The following SGIP1 variants were observed in gnomAD, a reference collection of about 807,000 sequenced individuals.
SGIP1 encodes SH3GL interacting endocytic adaptor 1, also known as SH3-containing GRB2-like protein 3-interacting protein 1.
Under a neutral mutation model 107.5 loss-of-function variants are expected in SGIP1, and 38 were observed. That is an observed-to-expected ratio of 0.35 (90% CI 0.27 to 0.46). The LOEUF (loss-of-function observed/expected upper bound fraction) is 0.46, where lower values mean the gene tolerates loss of function less well. Among genes scored for constraint, SGIP1 ranks in the 20% least tolerant of loss-of-function variants. SGIP1 has a pLI of 1.00. For synonymous variants in SGIP1, 365 were observed against 366.1 expected (o/e 1.00, Z 0.03); for missense variants, 929 against 1,019.5 (o/e 0.91, Z 1.21).
intron 3 of SGIP1, chr1:66,634,096 C>A: frequency 6.2e-7 from 1 of 1,607,584 alleles, no homozygotes; most frequent in Non-Finnish European, 8.5e-7. Context: ...AAAAAAAAGA[C>A]CCAGAAGACT....
intron 1 of SGIP1, among the ~76,000 whole-genome samples, chr1:66,556,032 A>G (rs537438355): frequency 6.6e-6 from 1 of 152,280 alleles, no homozygotes; most frequent in Admixed American, 6.5e-5. Flanking sequence ...ACATCACTGC[A>G]AAACACAGGA....
rs184439799 is a variant in SGIP1, at chr1:66,632,421, G to A, written c.75-649G>A. 5.9e-5 allele frequency among the ~76,000 whole-genome samples: 9 copies of A among 152,242 alleles called. No individual in the cohort carries two copies. The East Asian group carries it at 1.5e-3, about 26-fold the overall frequency. On this transcript the variant is annotated intron_variant, in intron 2 of 24. Coordinates refer to ENST00000371037, the MANE Select transcript of SGIP1 (RefSeq NM_032291.4). ...GGAAAGTACCAATTCTCAAAATAAA[G>A]TTGAAAAATACCACAGAAGCTTTTT...
At chr1:66,546,113 TTGGTCCATAGTAGAAGCTTA>T (rs1414989833) in intron 1 of SGIP1, among the ~76,000 whole-genome samples, 1 of 152,136 alleles carries the variant, frequency 6.6e-6, no homozygotes, top group African/African-American at 2.4e-5. Flanking sequence ...AGAAGAGTAT[TTGGTCCATAGTAGAAGCTTA>T]TTAAATGTCA....
chr1:66,698,169 C>G (rs1024972599), intron 18 of SGIP1, among the ~76,000 whole-genome samples: 8 of 152,250 alleles, frequency 5.3e-5, no homozygotes, highest in Non-Finnish European at 1.2e-4. Context: ...TGGCGTATGA[C>G]TTTATTTGAG....
intron 2 of SGIP1, chr1:66,628,576 T>G (rs1369456981): frequency 1.9e-5 from 3 of 154,796 alleles, no homozygotes; most frequent in African/African-American, 7.2e-5. Context: ...CATTTCTGAA[T>G]GAAGACAATG....
Position 66,745,194 on chromosome 1 carries a change from T to C in SGIP1, c.*2099T>C, listed in dbSNP as rs2094536355. 1 of 152,040 alleles carries C rather than the reference T, an allele frequency of 6.6e-6. No individual in the cohort carries two copies. Among genetic ancestry groups the C allele is most frequent in the Admixed American group, 6.6e-5 (1 of 15,266 alleles). 9.4% of individuals were successfully genotyped at this position (152,040 alleles called of 1,614,324 possible). On this transcript the variant is annotated 3_prime_UTR_variant, in exon 25 of 25. Transcript: ENST00000371037. The stretch of plus-strand genomic sequence containing the variant: ...TTTTTTTCCCAAAAAATAATTTTAC[T>C]GATTTTTAAAAATTTAATTAAAAAC...
At chr1:66,684,065 C>T (rs1486543043) in intron 15 of SGIP1, 1 of 1,549,048 alleles carries the variant, frequency 6.5e-7, no homozygotes, top group South Asian at 1.2e-5. Flanking sequence ...TTTCATACAA[C>T]ACCACCCTGT....
Position 66,682,362 on chromosome 1 carries a change from C to A in SGIP1, c.1308C>A (p.Thr436=). 1 of 1,609,910 alleles carries A rather than the reference C, an allele frequency of 6.2e-7. No homozygotes were observed. The highest frequency in any genetic ancestry group is 8.5e-7 in the Non-Finnish European group (1 of 1,178,818). Residue 436 remains threonine, a synonymous_variant, in exon 15 of 25, where the codon ACC becomes ACA. Coordinates refer to ENST00000371037, the MANE Select transcript of SGIP1 (RefSeq NM_032291.4). The part of the protein sequence containing the change: ...PGPGSGPGPG[T]TSGASSPARP... ...CTGGCTCGGGCCCTGGTCCGGGGAC[C>A]ACCAGTGGTATGTCTTATGCTTGAG...
chr1:66,750,184 C>T lies in SGIP1; in HGVS notation c.*7089C>T, dbSNP rs1343874255. ...CTTATCTATGAACAGAGCTTCACCA[C>T]AGGCCAAGCAGTAATGTATACAGCT... On this transcript the variant is annotated 3_prime_UTR_variant, in exon 25 of 25. Transcript: ENST00000371037. Among the ~76,000 whole-genome samples the T allele has an allele frequency of 6.6e-6, 1 of 152,120 alleles. No individual in the cohort carries two copies. The highest frequency in any genetic ancestry group is 1.5e-5 in the Non-Finnish European group (1 of 68,008).
chr1:66,730,176 T>C (rs1171495574), intron 20 of SGIP1, among the ~76,000 whole-genome samples: 2 of 152,096 alleles, frequency 1.3e-5, no homozygotes, highest in Admixed American at 1.3e-4. Context: ...CAAATTCAGG[T>C]TTAATAGTTA....
rs751788661 is a variant in SGIP1, at chr1:66,635,928, A to G, written c.100-16A>G. The G allele has an allele frequency of 5.0e-6, 8 of 1,613,340 alleles. No individual in the cohort carries two copies. Among genetic ancestry groups the G allele is most frequent in the Admixed American group, 3.3e-5 (2 of 59,874 alleles). ...CTTTTAACCACTTTTTTCTACATGA[A>G]AACAATCAATTCCAGCAGCCCAGCC... On this transcript the variant is annotated splice_polypyrimidine_tract_variant and intron_variant, in intron 3 of 24. Coordinates refer to ENST00000371037, the MANE Select transcript of SGIP1 (RefSeq NM_032291.4).
At chr1:66,559,942 T>A (rs61798703) in intron 1 of SGIP1, among the ~76,000 whole-genome samples, 1,563 of 152,026 alleles carry the variant, frequency 0.01, 16 homozygotes, top group Non-Finnish European at 0.015. Context: ...CTGAAATAAG[T>A]CTAAATTAGG....
intron 3 of SGIP1, chr1:66,634,149 T>A (rs1287886517): frequency 6.2e-7 from 1 of 1,610,032 alleles, no homozygotes; most frequent in Non-Finnish European, 8.5e-7. Flanking sequence ...AGCCCTCTCG[T>A]TAACTCTGTC....
At chr1:66,610,684 GA>G (rs2067799065) in intron 1 of SGIP1, among the ~76,000 whole-genome samples, 1 of 149,144 alleles carries the variant, frequency 6.7e-6, no homozygotes, top group Admixed American at 6.7e-5. Context: ...AGCTTTAGGG[GA>G]AAAAAGGAAT....
intron 1 of SGIP1, among the ~76,000 whole-genome samples, chr1:66,552,575 G>T (rs1209431843): frequency 6.6e-6 from 1 of 152,116 alleles, no homozygotes; most frequent in African/African-American, 2.4e-5. Flanking sequence ...GAGCTAGGCT[G>T]CTTGACTTTA....
At chr1:66,702,399 T>A (rs1176504851) in intron 18 of SGIP1, among the ~76,000 whole-genome samples, 2 of 152,230 alleles carry the variant, frequency 1.3e-5, no homozygotes, top group Non-Finnish European at 2.9e-5. Context: ...GAGCATTTAA[T>A]GTCTCTGGGT....
chr1:66,749,718 C>A lies in SGIP1; in HGVS notation c.*6623C>A, dbSNP rs1334958367. 6.6e-6 allele frequency among the ~76,000 whole-genome samples: 1 copy of A among 152,036 alleles called. No individual in the cohort carries two copies. Among genetic ancestry groups the A allele is most frequent in the Non-Finnish European group, 1.5e-5 (1 of 67,932 alleles). On this transcript the variant is annotated 3_prime_UTR_variant, in exon 25 of 25. Transcript: ENST00000371037. The stretch of plus-strand genomic sequence containing the variant: ...TATATCATACAAATGTTAATTCCAT[C>A]TCGCTCATTCAGTTTTACATTACTT...
chr1:66,737,517 A>AC (rs2094308675), intron 21 of SGIP1, among the ~76,000 whole-genome samples: 1 of 152,002 alleles, frequency 6.6e-6, no homozygotes, highest in Admixed American at 6.6e-5. Flanking sequence ...ACATAATGAG[A>AC]CCCCATCTCT....
intron 1 of SGIP1, among the ~76,000 whole-genome samples, chr1:66,614,245 C>T (rs985133717): frequency 6.6e-6 from 1 of 152,094 alleles, no homozygotes; most frequent in African/African-American, 2.4e-5. Context: ...GCAAGCCTGC[C>T]AAGGGTTAAT....
Sources: gnomAD v4.1 joint callset for allele counts (sites outside exome capture counted in the v4.1 genomes callset) on GRCh38, gnomAD v4.1.1 for gene constraint, MANE v1.5 for transcripts, NCBI Gene and HGNC (gene_info 2026-07-23, HGNC 2026-07-21) for gene names.